The following POLH variants were observed in gnomAD, a reference collection of about 807,000 sequenced individuals.
The protein encoded by POLH is DNA polymerase eta transcript.
Under a neutral mutation model 73.6 loss-of-function variants are expected in POLH, and 53 were observed. The observed-to-expected ratio is 0.72, with a 90% confidence interval of 0.58 to 0.91. The LOEUF is 0.91. Among genes scored for constraint, POLH ranks in the 40% least tolerant of loss-of-function variants. The pLI, the probability that POLH is intolerant of heterozygous loss-of-function variation, is 0.00. For synonymous variants in POLH, 292 were observed against 308.5 expected (o/e 0.95, Z 0.56); for missense variants, 768 against 865.4 (o/e 0.89, Z 1.41).
In POLH at chr6:43,614,056, TTC is replaced by T; in HGVS notation, c.1642_1643del (p.Val549PhefsTer12). On this transcript the variant is annotated frameshift_variant, in exon 11 of 11. Transcript: ENST00000372236. LOFTEE classifies it high-confidence loss of function. ...LLKQKQLNNS[S>X]VSSPQQNPWS... ...TAAAGCAGAAACAGCTTAATAATTC[TTC>T]AGTTTCTTCCCCCCAACAAAACCCA... is the stretch of plus-strand genomic sequence containing the variant. 1 of 1,614,228 alleles carries T rather than the reference TTC, an allele frequency of 6.2e-7. No individual in the cohort carries two copies. Among genetic ancestry groups the T allele is most frequent in the East Asian group, 2.2e-5 (1 of 44,884 alleles).
chr6:43,589,081 G>C (rs886582233), intron 4 of POLH, among the ~76,000 whole-genome samples: 1 of 150,208 alleles, frequency 6.7e-6, no homozygotes. Flanking sequence ...CTTGTGATCC[G>C]CCCGCCTCGG....
In POLH at chr6:43,614,415, A is replaced by G; in HGVS notation, c.2000A>G (p.His667Arg). The change falls in exon 11 of 11, where the codon CAC becomes CGC. Residue 667 changes from histidine to arginine, a missense_variant. Physicochemically the swap from His to Arg is conservative, Grantham distance 29. Transcript: ENST00000372236. ...LELQKSFLQP[H>R]SSNPQVVSAV... ...TTGCAGAAATCCTTTTTGCAGCCCC[A>G]CTCTTCAAACCCCCAGGTTGTTTCT... 6.2e-7 allele frequency: 1 copy of G among 1,614,016 alleles called. No homozygotes were observed. The highest frequency in any genetic ancestry group is 1.1e-5 in the South Asian group (1 of 91,076).
intron 2 of POLH, 132 bp from the exon 3 acceptor site, chr6:43,582,874 GT>G (rs1450909832): frequency 1.3e-6 from 1 of 786,830 alleles, no homozygotes; most frequent in Non-Finnish European, 2.1e-6. Context: ...GAACTGCTTT[GT>G]TTTGGATTGA....
intron 6 of POLH, among the ~76,000 whole-genome samples, chr6:43,602,551 C>T (rs1241443267): frequency 2.0e-5 from 3 of 152,120 alleles, no homozygotes; most frequent in Non-Finnish European, 4.4e-5. Flanking sequence ...GAGATATTTT[C>T]AGTGAACTGG....
rs1357010220 is a variant in POLH, at chr6:43,582,209, T to C, written c.-4-107T>C. The C allele has an allele frequency of 3.0e-6, 3 of 1,014,662 alleles. No homozygotes were observed. The East Asian group carries it at 7.1e-5, about 24-fold the overall frequency. The allele number at this position is 1,014,662 out of a possible 1,614,324, so 62.9% of individuals were successfully genotyped here. On this transcript the variant is annotated intron_variant, in intron 1 of 10. Transcript: ENST00000372236. ...CCTATTTCATTCTTGTTAGTTTCCA[T>C]GCTCCCATGCTCATGGTAACTCATC...
chr6:43,597,615 T>G (rs1377188515), intron 4 of POLH, 81 bp from the exon 5 acceptor site: 1 of 1,320,258 alleles, frequency 7.6e-7, no homozygotes, highest in African/African-American at 1.5e-5. Flanking sequence ...ATACCTGTAA[T>G]CTAAGCATTT....
At chr6:43,594,148 A>G (rs1250696998) in intron 4 of POLH, among the ~76,000 whole-genome samples, 1 of 152,178 alleles carries the variant, frequency 6.6e-6, no homozygotes, top group African/African-American at 2.4e-5. Context: ...GGATTGCAAC[A>G]TTACCCAATC....
intron 4 of POLH, among the ~76,000 whole-genome samples, chr6:43,591,727 G>T (rs575232483): frequency 6.6e-6 from 1 of 151,696 alleles, no homozygotes; most frequent in Non-Finnish European, 1.5e-5. Context: ...TTTGTTGAAA[G>T]CTATAGACCC....
At chr6:43,580,841 G>A (rs1378497931) in intron 1 of POLH, among the ~76,000 whole-genome samples, 3 of 146,276 alleles carry the variant, frequency 2.1e-5, no homozygotes, top group East Asian at 2.1e-4. Context: ...AGGGGCGGCC[G>A]GGCAGAGGCG....
intron 9 of POLH, among the ~76,000 whole-genome samples, chr6:43,608,252 G>A (rs887141949): frequency 5.9e-5 from 9 of 152,158 alleles, no homozygotes; most frequent in African/African-American, 2.2e-4. Flanking sequence ...CTCCCATTCT[G>A]TGGGTTTTCT....
Position 43,616,229 on chromosome 6 carries a change from G to T in POLH, c.*1672G>T. ...CGGGAGGCGGAGCTTGCAGTGAGCC[G>T]AGAGCGCGCCACTGCACTCCAGCCT... On this transcript the variant is annotated 3_prime_UTR_variant, in exon 11 of 11. Transcript: ENST00000372236. Among the ~76,000 whole-genome samples, 1 of 150,010 alleles carries T rather than the reference G, an allele frequency of 6.7e-6. No individual in the cohort carries two copies. Among genetic ancestry groups the T allele is most frequent in the South Asian group, 2.1e-4 (1 of 4,714 alleles).
chr6:43,614,735 T>A lies in POLH; in HGVS notation c.*178T>A. ...ATCTCTTCACAGGCATGGATTCTAA[T>A]CCCACTGCTGACAGAGATGTAAAAA... is the stretch of plus-strand genomic sequence containing the variant. On this transcript the variant is annotated 3_prime_UTR_variant, in exon 11 of 11. Coordinates refer to ENST00000372236, the MANE Select transcript of POLH (RefSeq NM_006502.3). 1.7e-6 allele frequency: 1 copy of A among 591,086 alleles called. No individual in the cohort carries two copies. Among genetic ancestry groups the A allele is most frequent in the Non-Finnish European group, 2.9e-6 (1 of 343,416 alleles). 36.6% of individuals were successfully genotyped at this position (591,086 alleles called of 1,614,324 possible). A position where few individuals can be genotyped will look rare whatever the true frequency, so the allele number is the denominator to read the frequency against.
chr6:43,591,955 C>T (rs561085304), intron 4 of POLH, among the ~76,000 whole-genome samples: 2 of 152,218 alleles, frequency 1.3e-5, no homozygotes, highest in Admixed American at 6.5e-5. Flanking sequence ...CTCAGATGGA[C>T]GTGTTCCTCT....
rs1209764832 is a variant in POLH at position 43,616,876 on chromosome 6, C to CT, written c.*2320dup. Among the ~76,000 whole-genome samples the CT allele has an allele frequency of 5.9e-5, 9 of 152,238 alleles. No individual in the cohort carries two copies. Among genetic ancestry groups the CT allele is most frequent in the African/African-American group, 1.7e-4 (7 of 41,472 alleles). ...TTGCTACTTGACTAGTTCAGGAACT[C>CT]TGTTTAGATCTGATAAGTCATAATC... On this transcript the variant is annotated 3_prime_UTR_variant, in exon 11 of 11. Coordinates refer to ENST00000372236, the MANE Select transcript of POLH (RefSeq NM_006502.3).
chr6:43,583,291 CAG>C (rs1380038020), intron 3 of POLH, 150 bp downstream of exon 3: 2 of 730,900 alleles, frequency 2.7e-6, no homozygotes, highest in Non-Finnish European at 4.6e-6. Context: ...AAATGAAAAA[CAG>C]ATTTTAATAT....
rs773717970 is a variant in POLH, at chr6:43,613,747, G to C, written c.1332G>C (p.Leu444Phe). ...PSSSTDITSF[L>F]SSDPSSLPKV... ...CTTCTACAGACATCACCAGCTTCTT[G>C]AGCAGTGACCCAAGTTCTCTGCCAA... is the stretch of plus-strand genomic sequence containing the variant. The change falls in exon 11 of 11, where the codon TTG (leucine) becomes TTC (phenylalanine). Residue 444 changes from leucine to phenylalanine, a missense_variant. Leu to Phe is a conservative substitution (Grantham distance 22, BLOSUM62 0). Coordinates refer to ENST00000372236, the MANE Select transcript of POLH (RefSeq NM_006502.3). The C allele has an allele frequency of 6.2e-7, 1 of 1,613,556 alleles. No individual in the cohort carries two copies. Among genetic ancestry groups the C allele is most frequent in the Non-Finnish European group, 8.5e-7 (1 of 1,179,904 alleles).
At position 43,610,345 on chromosome 6, in the gene POLH, G is replaced by A. The variant is rs113076399; in HGVS notation, c.1075-209G>A. Among the ~76,000 whole-genome samples, 108 of 152,158 alleles carry A rather than the reference G, an allele frequency of 7.1e-4. 1 individual carries two copies. Among genetic ancestry groups the A allele is most frequent in the African/African-American group, 2.5e-3 (103 of 41,544 alleles). ...CTCCCAAGGTGCTGGGATTACAGGC[G>A]TGAGCCACCATGCCTGGCCTCTTTC... On this transcript the variant is annotated intron_variant, in intron 9 of 10. Coordinates refer to ENST00000372236, the MANE Select transcript of POLH (RefSeq NM_006502.3).
intron 5 of POLH, among the ~76,000 whole-genome samples, chr6:43,598,348 C>T (rs992084503): frequency 1.3e-5 from 2 of 151,746 alleles, no homozygotes; most frequent in Non-Finnish European, 2.9e-5. Context: ...AGCTGAAGGC[C>T]GGGCATGGGG....
rs1441310691 is a variant in POLH at position 43,580,642 on chromosome 6, C to T, written c.-4-1674C>T. On this transcript the variant is annotated intron_variant, in intron 1 of 10. Coordinates refer to ENST00000372236, the MANE Select transcript of POLH (RefSeq NM_006502.3). The stretch of plus-strand genomic sequence containing the variant: ...GCAGAGGCGCCCCTCACCTCCCGGA[C>T]GGGGCGGCTGGCCGGGCAGGGGGGC... 3.6e-4 allele frequency among the ~76,000 whole-genome samples: 48 copies of T among 132,488 alleles called. 1 individual carries two copies. Among genetic ancestry groups the T allele is most frequent in the African/African-American group, 1.3e-3 (42 of 32,108 alleles). The allele number at this position is 132,488 out of a possible 152,430, so 86.9% of individuals were successfully genotyped here. A position where few individuals can be genotyped will look rare whatever the true frequency, so the allele number is the denominator to read the frequency against.
Sources: allele counts gnomAD v4.1 joint callset (sites outside exome capture counted in the v4.1 genomes callset), GRCh38; gene constraint gnomAD v4.1.1; transcripts MANE v1.5; gene names NCBI Gene and HGNC (gene_info 2026-07-23, HGNC 2026-07-21).